The following CACNG2 variants were observed in gnomAD, a reference collection of about 807,000 sequenced individuals.
CACNG2 encodes calcium voltage-gated channel auxiliary subunit gamma 2, also known as voltage-dependent calcium channel gamma-2 subunit.
Under a neutral mutation model 25.9 loss-of-function variants are expected in CACNG2, and 3 were observed. That is an observed-to-expected ratio of 0.12 (90% CI 0.05 to 0.30). CACNG2 has a LOEUF of 0.30. CACNG2 is among the 10% of genes least tolerant of loss of function. CACNG2 has a pLI of 1.00. For synonymous variants in CACNG2, 167 were observed against 173.3 expected (o/e 0.96, Z 0.29); for missense variants, 341 against 432.5 (o/e 0.79, Z 1.88).
chr22:36,694,079 C>T (rs909813134), intron 1 of CACNG2, among the ~76,000 whole-genome samples: 1 of 152,214 alleles, frequency 6.6e-6, no homozygotes, highest in East Asian at 1.9e-4. Flanking sequence ...CTCTATGCTG[C>T]TTCCTGAGTC....
chr22:36,614,796 T>G (rs77183203), intron 1 of CACNG2, among the ~76,000 whole-genome samples: 3,056 of 152,274 alleles, frequency 0.02, 112 homozygotes, highest in African/African-American at 0.07. Flanking sequence ...GGATTTTCTG[T>G]GGTTTGCAAC....
chr22:36,594,808 ATG>A (rs1397638189), intron 1 of CACNG2, among the ~76,000 whole-genome samples: 1 of 112,400 alleles, frequency 8.9e-6, no homozygotes, highest in Non-Finnish European at 1.8e-5. Context: ...GTGTGCATGG[ATG>A]TGTGTCTGTG....
chr22:36,635,728 C>T (rs1476117063), intron 1 of CACNG2, among the ~76,000 whole-genome samples: 1 of 152,070 alleles, frequency 6.6e-6, no homozygotes, highest in Non-Finnish European at 1.5e-5. Flanking sequence ...CTCCAAGGCA[C>T]CTCAACCCAA....
chr22:36,638,366 G>A (rs1036396580), intron 1 of CACNG2, among the ~76,000 whole-genome samples: 1 of 152,156 alleles, frequency 6.6e-6, no homozygotes, highest in African/African-American at 2.4e-5. Flanking sequence ...TTGAGGGCAC[G>A]AGGGACTGCA....
chr22:36,685,419 C>T (rs1319846145), intron 1 of CACNG2, among the ~76,000 whole-genome samples: 2 of 152,136 alleles, frequency 1.3e-5, no homozygotes, highest in Non-Finnish European at 2.9e-5. Context: ...TTACCATGGA[C>T]CCACCTCTGG....
At chr22:36,690,763 C>T (rs556380881) in intron 1 of CACNG2, among the ~76,000 whole-genome samples, 1 of 152,148 alleles carries the variant, frequency 6.6e-6, no homozygotes, top group African/African-American at 2.4e-5. Flanking sequence ...AGAATGCATC[C>T]TGATGATGAT....
rs1446013866 is a variant in CACNG2 at position 36,702,855 on chromosome 22, AG to A, written c.-280del. 1.1e-5 allele frequency: 3 copies of A among 263,074 alleles called. No homozygotes were observed. Among genetic ancestry groups the A allele is most frequent in the African/African-American group, 4.8e-5 (2 of 41,908 alleles). 16.3% of individuals were successfully genotyped at this position (263,074 alleles called of 1,614,324 possible). A position where few individuals can be genotyped will look rare whatever the true frequency, so the allele number is the denominator to read the frequency against. On this transcript the variant is annotated 5_prime_UTR_variant, in exon 1 of 4. Transcript: ENST00000300105. ...GCAGTGTTTTTTTTTTAAAAAGAAA[AG>A]GAAAAAAAAAATAAAAAGACACCCC... is the stretch of plus-strand genomic sequence containing the variant.
At chr22:36,588,000 C>G (rs16996993) in intron 1 of CACNG2, among the ~76,000 whole-genome samples, 2,951 of 152,340 alleles carry the variant, frequency 0.019, 91 homozygotes, top group African/African-American at 0.067. Context: ...GATGCTGCCA[C>G]AGCCCTTTAG....
chr22:36,615,025 C>G (rs898019501), intron 1 of CACNG2, among the ~76,000 whole-genome samples: 1 of 152,232 alleles, frequency 6.6e-6, no homozygotes, highest in Non-Finnish European at 1.5e-5. Flanking sequence ...CTATCTCCCT[C>G]TCTAGCAGAG....
intron 2 of CACNG2, among the ~76,000 whole-genome samples, chr22:36,571,999 A>G (rs1393757584): frequency 6.6e-6 from 1 of 152,172 alleles, no homozygotes; most frequent in Non-Finnish European, 1.5e-5. Context: ...CCAAAACATC[A>G]GTCCAGGCAT....
At chr22:36,644,743 A>G (rs1936493246) in intron 1 of CACNG2, among the ~76,000 whole-genome samples, 1 of 152,202 alleles carries the variant, frequency 6.6e-6, no homozygotes. Context: ...GTGAGGATCA[A>G]ATGAGTTACT....
chr22:36,566,232 G>C (rs1192055288), intron 3 of CACNG2, 121 bp downstream of exon 3: 3 of 1,034,756 alleles, frequency 2.9e-6, no homozygotes, highest in African/African-American at 1.6e-5. Context: ...ACACGACCTA[G>C]TGCAAGTCTT....
At chr22:36,570,055 G>A (rs1453116152) in intron 2 of CACNG2, among the ~76,000 whole-genome samples, 2 of 152,324 alleles carry the variant, frequency 1.3e-5, no homozygotes, top group African/African-American at 4.8e-5. Context: ...CCTGCAGGTC[G>A]CCGACCCAAT....
chr22:36,573,940 G>A (rs912419714), intron 2 of CACNG2, among the ~76,000 whole-genome samples: 5 of 152,114 alleles, frequency 3.3e-5, no homozygotes, highest in Non-Finnish European at 5.9e-5. Flanking sequence ...AGCCGAAGGT[G>A]GAGGAGGCAT....
chr22:36,625,035 A>AAAAAAAAAAAAG lies in CACNG2; in HGVS notation c.212-37488_212-37487insCTTTTTTTTTTT, dbSNP rs1284375579. Among the ~76,000 whole-genome samples, 2 of 150,036 alleles carry AAAAAAAAAAAAG rather than the reference A, an allele frequency of 1.3e-5. 1 individual carries two copies. The highest frequency in any genetic ancestry group is 4.9e-5 in the African/African-American group (2 of 40,962). On this transcript the variant is annotated intron_variant, in intron 1 of 3. Transcript: ENST00000300105. ...GAGTGAGACTCTGTCTCAAAAAAAAAAAAAAAAGAACCACAGATTAATCCT... is the reference window on the plus strand; with the variant it reads ...GAGTGAGACTCTGTCTCAAAAAAAAAAAAAAAAAAAAGAAAAAAAGAACCACAGATTAATCCT...
At chr22:36,578,833 C>G (rs1935367038) in intron 2 of CACNG2, among the ~76,000 whole-genome samples, 1 of 152,146 alleles carries the variant, frequency 6.6e-6, no homozygotes, top group Non-Finnish European at 1.5e-5. Context: ...GGGAAAGGCC[C>G]TGTGCTGGAG....
intron 1 of CACNG2, among the ~76,000 whole-genome samples, chr22:36,621,725 CCT>C (rs1485810639): frequency 6.6e-6 from 1 of 152,160 alleles, no homozygotes; most frequent in Non-Finnish European, 1.5e-5. Flanking sequence ...CCTGTGCTCC[CCT>C]GTGTCCTCCC....
At chr22:36,597,357 G>A (rs1199673858) in intron 1 of CACNG2, among the ~76,000 whole-genome samples, 1 of 152,144 alleles carries the variant, frequency 6.6e-6, no homozygotes, top group Non-Finnish European at 1.5e-5. Context: ...TGGGGGAGGA[G>A]ATTGGGCTCC....
intron 1 of CACNG2, among the ~76,000 whole-genome samples, chr22:36,618,050 G>A (rs1603501765): frequency 6.6e-6 from 1 of 152,186 alleles, no homozygotes; most frequent in Non-Finnish European, 1.5e-5. Flanking sequence ...GTGGAGGGCA[G>A]GAGAAGGGAC....
Sources: gnomAD v4.1 joint callset for allele counts (sites outside exome capture counted in the v4.1 genomes callset) on GRCh38, gnomAD v4.1.1 for gene constraint, MANE v1.5 for transcripts, NCBI Gene and HGNC (gene_info 2026-07-23, HGNC 2026-07-21) for gene names.